PRUNE2: variants seen among roughly 807,000 people sequenced by gnomAD.
PRUNE2 encodes protein prune homolog 2.
In PRUNE2, 164 loss-of-function variants were observed where a neutral mutation model predicts 252.0. The ratio of observed to expected loss-of-function variants is 0.65; its 90% CI spans 0.57 to 0.74. The LOEUF (loss-of-function observed/expected upper bound fraction) is 0.74, where lower values mean the gene tolerates loss of function less well. Among genes scored for constraint, PRUNE2 ranks in the 30% least tolerant of loss-of-function variants. PRUNE2 has a pLI of 0.00. For synonymous variants in PRUNE2, 1,292 were observed against 1,350.2 expected (o/e 0.96, Z 0.94); for missense variants, 3,495 against 3,711.0 (o/e 0.94, Z 1.51).
chr9:76,691,325 A>G (rs751429815), intron 9 of PRUNE2, among the ~76,000 whole-genome samples: 2 of 152,234 alleles, frequency 1.3e-5, no homozygotes, highest in African/African-American at 2.4e-5. Flanking sequence ...AATCACTTCT[A>G]CTAGGTAAGA....
chr9:76,644,684 T>C, intron 12 of PRUNE2, 55 bp downstream of exon 12: 1 of 1,559,630 alleles, frequency 6.4e-7, no homozygotes, highest in South Asian at 1.1e-5. Flanking sequence ...TTCATGATTT[T>C]AAATAAAATG....
intron 1 of PRUNE2, among the ~76,000 whole-genome samples, chr9:76,856,845 C>T (rs11145107): frequency 0.018 from 2,798 of 152,046 alleles, 89 homozygotes; most frequent in African/African-American, 0.064. Flanking sequence ...CCTCCGCCTC[C>T]CAGGTTCAAG....
At chr9:76,795,577 T>C (rs2131468343) in intron 6 of PRUNE2, among the ~76,000 whole-genome samples, 1 of 152,270 alleles carries the variant, frequency 6.6e-6, no homozygotes, top group East Asian at 1.9e-4. Context: ...CCAAAAGTGA[T>C]GTGATCATGT....
intron 6 of PRUNE2, among the ~76,000 whole-genome samples, chr9:76,742,912 C>T (rs1037841969): frequency 3.9e-5 from 6 of 152,272 alleles, no homozygotes; most frequent in African/African-American, 4.8e-5. Flanking sequence ...TTGGCTGTGT[C>T]CCCACCCAAA....
rs1564272869 is a variant in PRUNE2, at chr9:76,774,464, T to TA, written c.756+49167_756+49168insT. 4.7e-3 allele frequency among the ~76,000 whole-genome samples: 678 copies of TA among 142,860 alleles called. 16 individuals are homozygous for TA. Among genetic ancestry groups the TA allele is most frequent in the African/African-American group, 0.017 (658 of 39,120 alleles). The allele number at this position is 142,860 out of a possible 152,430, so 93.7% of individuals were successfully genotyped here. ...CCAGTTCAACCCTTTTTTTTTTTTT[T>TA]TTTTTTTTTTTTTGAGATGGAGTCT... On this transcript the variant is annotated intron_variant, in intron 6 of 18. Coordinates refer to ENST00000376718, the MANE Select transcript of PRUNE2 (RefSeq NM_015225.3).
intron 1 of PRUNE2, among the ~76,000 whole-genome samples, chr9:76,902,766 T>A (rs529522112): frequency 6.6e-5 from 10 of 152,256 alleles, no homozygotes; most frequent in African/African-American, 2.4e-4. Flanking sequence ...CAGGCAGAAG[T>A]CAGGCCCACA....
At chr9:76,873,815 G>A (rs1174395112) in intron 1 of PRUNE2, among the ~76,000 whole-genome samples, 1 of 152,196 alleles carries the variant, frequency 6.6e-6, no homozygotes, top group Admixed American at 6.6e-5. Context: ...TCCATAAAGT[G>A]CATTAAATAA....
At chr9:76,760,834 C>T (rs1008009235) in intron 6 of PRUNE2, among the ~76,000 whole-genome samples, 1 of 152,072 alleles carries the variant, frequency 6.6e-6, no homozygotes, top group African/African-American at 2.4e-5. Context: ...ACCTGTAATC[C>T]CAGCACTTTG....
intron 16 of PRUNE2, chr9:76,624,946 T>C (rs919517382): frequency 4.3e-5 from 39 of 902,768 alleles, no homozygotes; most frequent in Non-Finnish European, 5.6e-5. Flanking sequence ...TCTGGTAGCT[T>C]GTTGAGGTCA....
chr9:76,807,739 T>C (rs761325426), intron 6 of PRUNE2, among the ~76,000 whole-genome samples: 2 of 152,212 alleles, frequency 1.3e-5, no homozygotes, highest in African/African-American at 4.8e-5. Context: ...GCCTTAGGAA[T>C]TCTTGTTTTG....
intron 1 of PRUNE2, among the ~76,000 whole-genome samples, chr9:76,864,077 A>G (rs1000827989): frequency 2.0e-5 from 3 of 152,214 alleles, no homozygotes; most frequent in African/African-American, 7.2e-5. Flanking sequence ...TAAAGAAAAT[A>G]TGGTACAAAC....
chr9:76,633,183 C>A (rs1404954263), intron 15 of PRUNE2, among the ~76,000 whole-genome samples: 1 of 152,180 alleles, frequency 6.6e-6, no homozygotes, highest in Non-Finnish European at 1.5e-5. Context: ...GATCATGCCA[C>A]TGCACTCCAG....
chr9:76,854,833 G>A (rs1312740028), intron 1 of PRUNE2, among the ~76,000 whole-genome samples: 1 of 151,880 alleles, frequency 6.6e-6, no homozygotes, highest in Non-Finnish European at 1.5e-5. Flanking sequence ...AGGAGGCTGA[G>A]GCAGGTGGAT....
rs528559129 is a variant in PRUNE2 at position 76,801,104 on chromosome 9, G to A, written c.756+22528C>T. On this transcript the variant is annotated intron_variant, in intron 6 of 18. Coordinates refer to ENST00000376718, the MANE Select transcript of PRUNE2 (RefSeq NM_015225.3). ...ATTATAAAACAATGACTTCATTTGT[G>A]TAGGAACTAAATATGAATAAAAGCT... Among the ~76,000 whole-genome samples, 7 of 152,284 alleles carry A rather than the reference G, an allele frequency of 4.6e-5. No individual in the cohort carries two copies. The East Asian group carries it at 1.2e-3, about 25-fold the overall frequency.
chr9:76,636,881 A>C (rs565348799), intron 14 of PRUNE2, among the ~76,000 whole-genome samples: 65 of 152,112 alleles, frequency 4.3e-4, no homozygotes, highest in African/African-American at 1.5e-3. Context: ...GCTTGAACCC[A>C]GGAGGCGGAG....
At chr9:76,697,066 G>A (rs1028498105) in intron 9 of PRUNE2, among the ~76,000 whole-genome samples, 11 of 152,260 alleles carry the variant, frequency 7.2e-5, no homozygotes, top group African/African-American at 2.6e-4. Flanking sequence ...CCTGATATGC[G>A]AATATACCCT....
intron 7 of PRUNE2, among the ~76,000 whole-genome samples, chr9:76,713,177 T>G (rs1219937200): frequency 6.6e-6 from 1 of 151,992 alleles, no homozygotes; most frequent in Non-Finnish European, 1.5e-5. Context: ...GGAGACAAAC[T>G]AACTTTGATT....
chr9:76,707,794 C>T lies in PRUNE2; in HGVS notation c.4480G>A (p.Val1494Ile), dbSNP rs11145016. The T allele has an allele frequency of 0.022, 35,233 of 1,613,244 alleles. 450 individuals carry two copies. The highest frequency in any genetic ancestry group is 0.032 in the Middle Eastern group (191 of 6,060). The change falls in exon 8 of 19, where the codon GTC (valine) becomes ATC (isoleucine). Residue 1494 changes from valine to isoleucine, a missense_variant. Val to Ile is a conservative substitution (Grantham distance 29). Coordinates refer to ENST00000376718, the MANE Select transcript of PRUNE2 (RefSeq NM_015225.3). ...ACATGCACATCACTGTCTATAGGGA[C>T]GTCCCCAAAATCAAGACTTCGGGGA... ...RVPRSLDFGD[V>I]PIDSDVHVSS...
intron 2 of PRUNE2, among the ~76,000 whole-genome samples, chr9:76,853,795 T>A (rs1000782706): frequency 6.6e-6 from 1 of 152,252 alleles, no homozygotes; most frequent in Non-Finnish European, 1.5e-5. Context: ...CTTTTATTAG[T>A]TCTATGAATT....
Sources: allele counts gnomAD v4.1 joint callset (sites outside exome capture counted in the v4.1 genomes callset), GRCh38; gene constraint gnomAD v4.1.1; transcripts MANE v1.5; gene names NCBI Gene and HGNC (gene_info 2026-07-23, HGNC 2026-07-21).